Variants in LRRC69 observed in about 807,000 individuals in gnomAD.
The protein encoded by LRRC69 is leucine-rich repeat-containing protein 69.
Under a neutral mutation model 37.8 loss-of-function variants are expected in LRRC69, and 42 were observed. The observed-to-expected ratio is 1.11, with a 90% CI of 0.87 to 1.44. The LOEUF (loss-of-function observed/expected upper bound fraction) is 1.44. Ranked by LOEUF, LRRC69 falls within the 40% of genes most tolerant of loss-of-function variation. The probability of loss-of-function intolerance (pLI) is 0.00; values close to 1 mark genes in which losing one functional copy is unlikely to be tolerated. For missense variants in LRRC69, 357 were observed against 401.9 expected (o/e 0.89, Z 0.96); for synonymous variants, 141 against 143.1 (o/e 0.99, Z 0.11).
chr8:91,203,003 T>A (rs1160585564), intron 7 of LRRC69, among the ~76,000 whole-genome samples: 3 of 152,128 alleles, frequency 2.0e-5, no homozygotes, highest in Non-Finnish European at 4.4e-5. Context: ...TACAGAACTG[T>A]GTAAAGCAGA....
chr8:91,144,956 A>T (rs1586243917), intron 5 of LRRC69, among the ~76,000 whole-genome samples: 1 of 152,066 alleles, frequency 6.6e-6, no homozygotes, highest in East Asian at 1.9e-4. Flanking sequence ...ATATATGAGC[A>T]GTAACACAAA....
intron 2 of LRRC69, among the ~76,000 whole-genome samples, chr8:91,125,308 C>T (rs528988572): frequency 6.6e-6 from 1 of 151,756 alleles, no homozygotes; most frequent in Non-Finnish European, 1.5e-5. Context: ...ACTTTTGAGG[C>T]ATGGGTGCTA....
chr8:91,165,781 A>G (rs1809017840), intron 5 of LRRC69, among the ~76,000 whole-genome samples: 1 of 151,862 alleles, frequency 6.6e-6, no homozygotes, highest in Non-Finnish European at 1.5e-5. Flanking sequence ...GAATCAGACA[A>G]ACTTGGGTTT....
At chr8:91,156,499 A>G (rs28769398) in intron 5 of LRRC69, among the ~76,000 whole-genome samples, 4,490 of 150,956 alleles carry the variant, frequency 0.03, 246 homozygotes, top group African/African-American at 0.1. Context: ...ATGGCTTGGA[A>G]ATGTTTTCTG....
At chr8:91,215,118 C>T (rs778442759) in intron 7 of LRRC69, among the ~76,000 whole-genome samples, 8 of 152,098 alleles carry the variant, frequency 5.3e-5, no homozygotes, top group Non-Finnish European at 1.2e-4. Flanking sequence ...GGGTAACTTC[C>T]TTATCTCAAG....
intron 5 of LRRC69, among the ~76,000 whole-genome samples, chr8:91,153,210 T>G (rs537019749): frequency 6.6e-6 from 1 of 151,290 alleles, no homozygotes; most frequent in African/African-American, 2.4e-5. Context: ...GACCCAGATT[T>G]GTAACGCAAG....
At chr8:91,163,602 C>T (rs1157590393) in intron 5 of LRRC69, among the ~76,000 whole-genome samples, 1 of 151,400 alleles carries the variant, frequency 6.6e-6, no homozygotes, top group Non-Finnish European at 1.5e-5. Context: ...TTTTATATTG[C>T]TTTCCTGTTC....
At chr8:91,103,881 A>T (rs946019882) in intron 1 of LRRC69, among the ~76,000 whole-genome samples, 2 of 151,912 alleles carry the variant, frequency 1.3e-5, no homozygotes, top group Admixed American at 6.6e-5. Context: ...TCATGAACCT[A>T]TTCTCTCCCT....
intron 5 of LRRC69, among the ~76,000 whole-genome samples, chr8:91,172,620 A>G (rs768179755): frequency 2.6e-5 from 4 of 151,956 alleles, no homozygotes; most frequent in Non-Finnish European, 4.4e-5. Flanking sequence ...GGTTCAAGCA[A>G]TTATCCTGCC....
chr8:91,218,474 C>G (rs1465766702), intron 7 of LRRC69, among the ~76,000 whole-genome samples: 1 of 152,126 alleles, frequency 6.6e-6, no homozygotes, highest in Non-Finnish European at 1.5e-5. Flanking sequence ...AGATTAATTT[C>G]CATGGCAACT....
intron 7 of LRRC69, among the ~76,000 whole-genome samples, chr8:91,205,742 T>A (rs1022275426): frequency 2.0e-5 from 3 of 152,156 alleles, no homozygotes; most frequent in South Asian, 2.1e-4. Context: ...TTACTAGACA[T>A]AACCATGTGT....
intron 7 of LRRC69, chr8:91,206,703 C>G (rs1245181062): frequency 5.4e-6 from 7 of 1,289,624 alleles, no homozygotes; most frequent in Non-Finnish European, 7.1e-6. Context: ...AAACTACAAC[C>G]TAATACAAGC....
chr8:91,113,415 A>G (rs975325741), intron 1 of LRRC69, among the ~76,000 whole-genome samples: 2 of 152,106 alleles, frequency 1.3e-5, no homozygotes, highest in African/African-American at 2.4e-5. Flanking sequence ...AAATCCACGT[A>G]TGTATGATCA....
intron 7 of LRRC69, among the ~76,000 whole-genome samples, chr8:91,211,541 G>A (rs1042021534): frequency 2.0e-5 from 3 of 148,860 alleles, no homozygotes; most frequent in African/African-American, 7.4e-5. Flanking sequence ...CACTGGTAAG[G>A]AATTGCTTTT....
chr8:91,111,944 A>C (rs887403027), intron 1 of LRRC69, among the ~76,000 whole-genome samples: 18 of 151,942 alleles, frequency 1.2e-4, no homozygotes, highest in African/African-American at 4.3e-4. Flanking sequence ...ATAATAATTG[A>C]TAATAGAAAG....
chr8:91,164,281 T>G (rs1808993089), intron 5 of LRRC69, among the ~76,000 whole-genome samples: 1 of 136,242 alleles, frequency 7.3e-6, no homozygotes, highest in Non-Finnish European at 1.7e-5. Context: ...TAATGAGGGT[T>G]AAAAACTAAC....
chr8:91,157,918 T>A (rs1435384399), intron 5 of LRRC69: 2 of 1,556,154 alleles, frequency 1.3e-6, no homozygotes, highest in Non-Finnish European at 1.8e-6. Context: ...ACAAGAAAGT[T>A]GTGTATCGGC....
chr8:91,144,769 C>T (rs1808588114), intron 5 of LRRC69, among the ~76,000 whole-genome samples: 1 of 151,956 alleles, frequency 6.6e-6, no homozygotes, highest in Non-Finnish European at 1.5e-5. Flanking sequence ...ATGGTACATA[C>T]CCTGGTTTAC....
At chr8:91,149,400 T>C (rs569423522) in intron 5 of LRRC69, among the ~76,000 whole-genome samples, 2 of 152,000 alleles carry the variant, frequency 1.3e-5, no homozygotes, top group African/African-American at 4.8e-5. Flanking sequence ...GTTGTACATA[T>C]GCGGCATTAT....
Sources: gnomAD v4.1 joint callset for allele counts (sites outside exome capture counted in the v4.1 genomes callset) on GRCh38, gnomAD v4.1.1 for gene constraint, MANE v1.5 for transcripts, NCBI Gene and HGNC (gene_info 2026-07-23, HGNC 2026-07-21) for gene names.